TGFBR3: variants seen among roughly 807,000 people sequenced by gnomAD.
TGFBR3 encodes the protein transforming growth factor beta receptor 3.
Under a neutral mutation model 87.9 loss-of-function variants are expected in TGFBR3, and 46 were observed. The observed-to-expected ratio is 0.52, with a 90% CI of 0.41 to 0.67. The LOEUF is 0.67. TGFBR3 is among the 30% of genes least tolerant of loss of function. The pLI is 0.00. For synonymous variants in TGFBR3, 381 were observed against 391.6 expected (o/e 0.97, Z 0.32); for missense variants, 866 against 1,041.9 (o/e 0.83, Z 2.32).
chr1:91,784,413 A>G (rs1674883879), intron 3 of TGFBR3, among the ~76,000 whole-genome samples: 1 of 152,218 alleles, frequency 6.6e-6, no homozygotes, highest in South Asian at 2.1e-4. Context: ...AAAAAGACCC[A>G]AGACCTAGTT....
chr1:91,719,541 G>T, intron 9 of TGFBR3, 77 bp from the exon 10 acceptor site: 1 of 1,573,732 alleles, frequency 6.4e-7, no homozygotes. Flanking sequence ...ATTGACAATT[G>T]CCTGGTCTTC....
At chr1:91,824,540 T>C (rs746517480) in intron 2 of TGFBR3, among the ~76,000 whole-genome samples, 10 of 152,218 alleles carry the variant, frequency 6.6e-5, no homozygotes, top group East Asian at 1.9e-4. Context: ...TTTATTTTCA[T>C]TGATGAACAT....
At chr1:91,842,189 A>G (rs899808791) in intron 2 of TGFBR3, among the ~76,000 whole-genome samples, 7 of 152,194 alleles carry the variant, frequency 4.6e-5, no homozygotes, top group African/African-American at 1.2e-4. Flanking sequence ...CGGAGCTTAC[A>G]TTTTAGTGGG....
intron 2 of TGFBR3, among the ~76,000 whole-genome samples, chr1:91,855,096 T>G (rs1162143181): frequency 3.9e-5 from 6 of 152,228 alleles, no homozygotes; most frequent in Non-Finnish European, 7.3e-5. Flanking sequence ...CAGAGCTTTC[T>G]GAGCAGGAAA....
At position 91,712,481 on chromosome 1, in the gene TGFBR3, G is replaced by A; in HGVS notation, c.1928C>T (p.Pro643Leu). 1 of 1,614,166 alleles carries A rather than the reference G, an allele frequency of 6.2e-7. No individual in the cohort carries two copies. The highest frequency in any genetic ancestry group is 8.5e-7 in the Non-Finnish European group (1 of 1,180,012). ...GFAIQTCFIS[P>L]YSNPDRMSHY... is the part of the protein sequence containing the mutation. Reference sequence around the variant, plus strand: ...AGACATCCTATCAGGGTTCGAATATGGAGAGATAAAGCACGTTTGGATGGC... The same window carrying A: ...AGACATCCTATCAGGGTTCGAATATAGAGAGATAAAGCACGTTTGGATGGC... The change falls in exon 13 of 17, where the codon CCA (proline) becomes CTA (leucine). Residue 643 changes from proline to leucine, a missense_variant. Pro to Leu is a moderately conservative substitution (Grantham distance 98, BLOSUM62 -3). Transcript: ENST00000212355.
intron 2 of TGFBR3, among the ~76,000 whole-genome samples, chr1:91,856,124 G>A (rs1164270979): frequency 2.0e-5 from 3 of 152,042 alleles, no homozygotes; most frequent in Non-Finnish European, 2.9e-5. Flanking sequence ...GTGCAGTGGC[G>A]CGATCTCAGC....
chr1:91,893,827 G>A (rs57844351), intron 2 of TGFBR3, among the ~76,000 whole-genome samples: 3,252 of 150,926 alleles, frequency 0.022, 114 homozygotes, highest in African/African-American at 0.075. Flanking sequence ...TTCAAAAAGC[G>A]TTCAGTCAGT....
At chr1:91,710,822 T>G (rs1052727414) in intron 13 of TGFBR3, among the ~76,000 whole-genome samples, 3 of 152,200 alleles carry the variant, frequency 2.0e-5, no homozygotes, top group Non-Finnish European at 4.4e-5. Context: ...AGCTTCCTTC[T>G]CAGTCCCAGG....
At position 91,760,580 on chromosome 1, in the gene TGFBR3, G is replaced by C. The variant is rs145551333; in HGVS notation, c.247-1830C>G. On this transcript the variant is annotated intron_variant, in intron 3 of 16. Coordinates refer to ENST00000212355, the MANE Select transcript of TGFBR3 (RefSeq NM_003243.5). ...GGAAAAAAAGGTTCAAAGGAATTTA[G>C]CTGGCTAATTTGCAAAAAAATACAA... is the stretch of plus-strand genomic sequence containing the variant. Among the ~76,000 whole-genome samples, 1,231 of 152,252 alleles carry C rather than the reference G, an allele frequency of 8.1e-3. 6 individuals are homozygous for C. Among genetic ancestry groups the C allele is most frequent in the Non-Finnish European group, 0.013 (910 of 68,016 alleles).
chr1:91,705,021 A>G (rs1216171735), intron 14 of TGFBR3, among the ~76,000 whole-genome samples: 1 of 152,194 alleles, frequency 6.6e-6, no homozygotes, highest in Non-Finnish European at 1.5e-5. Context: ...ATGACCAGAG[A>G]GAGCTGGAGT....
intron 1 of TGFBR3, among the ~76,000 whole-genome samples, chr1:91,904,155 A>T (rs1570352584): frequency 6.6e-6 from 1 of 152,164 alleles, no homozygotes; most frequent in African/African-American, 2.4e-5. Context: ...CTGCACTCCA[A>T]CCTGGGCAAC....
intron 2 of TGFBR3, among the ~76,000 whole-genome samples, chr1:91,838,625 ATTT>A (rs71311981): frequency 2.1e-5 from 3 of 140,578 alleles, no homozygotes; most frequent in East Asian, 2.1e-4. Flanking sequence ...CACCCGACTA[ATTT>A]TTTTTTTTTT....
At chr1:91,833,310 A>AAC (rs1553171135) in intron 2 of TGFBR3, among the ~76,000 whole-genome samples, 2 of 147,254 alleles carry the variant, frequency 1.4e-5, no homozygotes, top group Non-Finnish European at 3.0e-5. Context: ...AAAAAAAAAA[A>AAC]AAAAAACAGG....
At chr1:91,725,818 A>C (rs1430039982) in intron 7 of TGFBR3, among the ~76,000 whole-genome samples, 1 of 152,196 alleles carries the variant, frequency 6.6e-6, no homozygotes, top group Non-Finnish European at 1.5e-5. Flanking sequence ...CAATTTCACT[A>C]TGCTGTCTCT....
chr1:91,888,579 G>A (rs1018279392), upstream of TGFBR3, among the ~76,000 whole-genome samples: 4 of 152,152 alleles, frequency 2.6e-5, no homozygotes, highest in African/African-American at 4.8e-5. Flanking sequence ...GCGGGCACCT[G>A]TAATCCCAGC....
intron 2 of TGFBR3, among the ~76,000 whole-genome samples, chr1:91,846,408 GC>G (rs1275597349): frequency 6.6e-6 from 1 of 152,102 alleles, no homozygotes; most frequent in Non-Finnish European, 1.5e-5. Context: ...ACTCACAAGG[GC>G]CAGGCTGAGA....
At chr1:91,757,823 C>T (rs945640885) in intron 4 of TGFBR3, among the ~76,000 whole-genome samples, 5 of 152,156 alleles carry the variant, frequency 3.3e-5, no homozygotes, top group Admixed American at 3.3e-4. Context: ...AAGAGGAAAA[C>T]TATTAACTGG....
Position 91,713,366 on chromosome 1 carries a change from C to T in TGFBR3, c.1867-824G>A, listed in dbSNP as rs543298231. Among the ~76,000 whole-genome samples the T allele has an allele frequency of 1.2e-4, 18 of 152,250 alleles. No individual in the cohort carries two copies. The South Asian group carries it at 3.7e-3, about 32-fold the overall frequency. ...AGCCAAGTGTAAACAGAATTCAAAC[C>T]TCAACTATCCTGAACTTAGCTAAAA... On this transcript the variant is annotated intron_variant, in intron 12 of 16. Transcript: ENST00000212355.
chr1:91,848,468 A>T (rs1307156380), intron 2 of TGFBR3, among the ~76,000 whole-genome samples: 1 of 152,236 alleles, frequency 6.6e-6, no homozygotes. Flanking sequence ...ACAAGATGGT[A>T]TATTCCACCT....
Sources: gnomAD v4.1 joint callset for allele counts (sites outside exome capture counted in the v4.1 genomes callset) on GRCh38, gnomAD v4.1.1 for gene constraint, MANE v1.5 for transcripts, NCBI Gene and HGNC (gene_info 2026-07-23, HGNC 2026-07-21) for gene names.